TMEM163: variants seen among roughly 807,000 people sequenced by gnomAD.
The protein encoded by TMEM163 is transmembrane protein 163.
Under a neutral mutation model 29.3 loss-of-function variants are expected in TMEM163, and 17 were observed. The observed-to-expected ratio is 0.58, with a 90% CI of 0.40 to 0.87. The LOEUF is 0.87. Ranked by LOEUF, TMEM163 falls within the 40% of genes least tolerant of loss-of-function variation. The probability of loss-of-function intolerance (pLI) is 0.00; values close to 1 mark genes in which losing one functional copy is unlikely to be tolerated. For missense variants in TMEM163, 303 were observed against 381.5 expected, an observed-to-expected ratio of 0.79 and a Z score of 1.71; for synonymous variants, 157 against 160.6, an observed-to-expected ratio of 0.98 and a Z score of 0.17.
chr2:134,534,305 C>A (rs1680481255), intron 4 of TMEM163, among the ~76,000 whole-genome samples: 1 of 152,004 alleles, frequency 6.6e-6, no homozygotes, highest in African/African-American at 2.4e-5. Context: ...ACATAGGAAA[C>A]AAAATGTAGG....
chr2:134,713,954 C>A (rs771376150), intron 1 of TMEM163, among the ~76,000 whole-genome samples: 4 of 152,192 alleles, frequency 2.6e-5, no homozygotes, highest in Non-Finnish European at 5.9e-5. Context: ...TCCTTTTTAG[C>A]AAGCACATGT....
intron 4 of TMEM163, among the ~76,000 whole-genome samples, chr2:134,508,077 C>T (rs1236791125): frequency 6.6e-6 from 1 of 152,192 alleles, no homozygotes; most frequent in East Asian, 1.9e-4. Context: ...AACCTACTGA[C>T]AGACACTCAT....
rs998255746 is a variant in TMEM163 at position 134,718,968 on chromosome 2, G to A, written c.-33C>T. ...GGCTGCGGATCCCGGCGGCGGCGAC[G>A]ACAAGCGCGGCGGGGACTCGAGTCA... On this transcript the variant is annotated 5_prime_UTR_variant, in exon 1 of 8. Coordinates refer to ENST00000281924, the MANE Select transcript of TMEM163 (RefSeq NM_030923.5). The A allele has an allele frequency of 9.5e-5, 97 of 1,020,544 alleles. 2 individuals carry two copies. In the African/African-American group the frequency reaches 1.4e-3, roughly 15 times the overall value. The allele number at this position is 1,020,544 out of a possible 1,614,324, so 63.2% of individuals were successfully genotyped here.
chr2:134,665,611 TC>T (rs1404942847), intron 2 of TMEM163, among the ~76,000 whole-genome samples: 1 of 152,080 alleles, frequency 6.6e-6, no homozygotes, highest in Non-Finnish European at 1.5e-5. Flanking sequence ...TGATGATGAT[TC>T]AGAACAGTGC....
At chr2:134,542,016 A>G (rs1680684689) in intron 4 of TMEM163, among the ~76,000 whole-genome samples, 1 of 152,244 alleles carries the variant, frequency 6.6e-6, no homozygotes, top group Non-Finnish European at 1.5e-5. Context: ...CAATCTTTTT[A>G]TCCCCTCACT....
rs573614472 is a variant in TMEM163, at chr2:134,610,024, A to T, written c.323-57933T>A. On this transcript the variant is annotated intron_variant, in intron 2 of 7. Coordinates refer to ENST00000281924, the MANE Select transcript of TMEM163 (RefSeq NM_030923.5). The stretch of plus-strand genomic sequence containing the variant: ...TGCTGGGTGGGGTGAGGCAAAAGGG[A>T]CTGGTCAAACAAGACCCCTGGCAGA... Among the ~76,000 whole-genome samples the T allele has an allele frequency of 3.8e-3, 584 of 152,314 alleles. 7 individuals carry two copies. Among genetic ancestry groups the T allele is most frequent in the African/African-American group, 0.013 (550 of 41,574 alleles).
At chr2:134,646,752 T>C (rs1280679416) in intron 2 of TMEM163, among the ~76,000 whole-genome samples, 4 of 152,174 alleles carry the variant, frequency 2.6e-5, no homozygotes, top group Non-Finnish European at 1.5e-5. Context: ...GGCCATTCCA[T>C]GTTTTTAAAC....
At chr2:134,505,821 A>C (rs1447340388) in intron 4 of TMEM163, among the ~76,000 whole-genome samples, 1 of 152,214 alleles carries the variant, frequency 6.6e-6, no homozygotes, top group East Asian at 1.9e-4. Flanking sequence ...GAAGGATGCA[A>C]GGGCTTCGTA....
At chr2:134,652,076 G>T (rs964393942) in intron 2 of TMEM163, among the ~76,000 whole-genome samples, 1 of 141,152 alleles carries the variant, frequency 7.1e-6, no homozygotes, top group Non-Finnish European at 1.5e-5. Flanking sequence ...TTCCAATTCT[G>T]TGAGGAAAGT....
chr2:134,606,891 G>A (rs56191409), intron 2 of TMEM163, among the ~76,000 whole-genome samples: 1 of 151,496 alleles, frequency 6.6e-6, no homozygotes, highest in Non-Finnish European at 1.5e-5. Context: ...CAACAGGCTC[G>A]GGTGTGGCGC....
intron 2 of TMEM163, among the ~76,000 whole-genome samples, chr2:134,691,851 G>A (rs1684476543): frequency 6.6e-6 from 1 of 152,188 alleles, no homozygotes; most frequent in South Asian, 2.1e-4. Flanking sequence ...TTGCCTTTCT[G>A]TATCCTTGTA....
intron 2 of TMEM163, among the ~76,000 whole-genome samples, chr2:134,682,573 T>C (rs1230409856): frequency 2.6e-5 from 4 of 152,148 alleles, no homozygotes; most frequent in South Asian, 4.1e-4. Flanking sequence ...CACTTACAAA[T>C]ATAATTAAAA....
intron 4 of TMEM163, among the ~76,000 whole-genome samples, chr2:134,547,745 G>A (rs1024378817): frequency 2.0e-5 from 3 of 152,188 alleles, no homozygotes; most frequent in Admixed American, 1.3e-4. Context: ...GCATTGTCAC[G>A]TGAACAATTA....
chr2:134,481,408 C>A (rs1001784755), intron 5 of TMEM163, among the ~76,000 whole-genome samples: 2 of 150,232 alleles, frequency 1.3e-5, no homozygotes, highest in Non-Finnish European at 2.9e-5. Flanking sequence ...CTGTGCTATT[C>A]TCCTGATAGT....
At chr2:134,541,101 T>G (rs1463612701) in intron 4 of TMEM163, among the ~76,000 whole-genome samples, 1 of 152,226 alleles carries the variant, frequency 6.6e-6, no homozygotes, top group Non-Finnish European at 1.5e-5. Context: ...AAGCAGGAAC[T>G]ACCTGGTCAA....
At chr2:134,458,231 C>A in intron 6 of TMEM163, 58 bp from the exon 7 acceptor site, 1 of 1,602,456 alleles carries the variant, frequency 6.2e-7, no homozygotes, top group Non-Finnish European at 8.5e-7. Flanking sequence ...AGAAAATCAC[C>A]CAAATGCCAG....
At chr2:134,701,165 A>G (rs1051605374) in intron 2 of TMEM163, among the ~76,000 whole-genome samples, 17 of 151,952 alleles carry the variant, frequency 1.1e-4, no homozygotes, top group Non-Finnish European at 2.5e-4. Flanking sequence ...AAAAAGTTAA[A>G]TATAAAAAAG....
chr2:134,486,371 C>G (rs985352839), intron 5 of TMEM163, among the ~76,000 whole-genome samples: 26 of 152,188 alleles, frequency 1.7e-4, no homozygotes, highest in African/African-American at 5.5e-4. Context: ...AGGTCTGATC[C>G]ACAGAATCAA....
intron 2 of TMEM163, among the ~76,000 whole-genome samples, chr2:134,607,125 G>A (rs867476161): frequency 1.9e-3 from 161 of 85,868 alleles, no homozygotes; most frequent in African/African-American, 6.2e-3. Context: ...CGAGAACTGT[G>A]CTGGTGAAAA....
Sources: gnomAD v4.1 joint callset for allele counts (sites outside exome capture counted in the v4.1 genomes callset) on GRCh38, gnomAD v4.1.1 for gene constraint, MANE v1.5 for transcripts, NCBI Gene and HGNC (gene_info 2026-07-23, HGNC 2026-07-21) for gene names.